Variants in CHRM3 observed in about 807,000 individuals in gnomAD.
The protein encoded by CHRM3 is muscarinic acetylcholine receptor M3.
In CHRM3, 11 loss-of-function variants were observed where a neutral mutation model predicts 41.8. The observed-to-expected ratio is 0.26, with a 90% CI of 0.17 to 0.44. The LOEUF (loss-of-function observed/expected upper bound fraction) is 0.44. CHRM3 is among the 20% of genes least tolerant of loss of function. The probability of loss-of-function intolerance (pLI) is 1.00; values close to 1 mark genes in which losing one functional copy is unlikely to be tolerated. For synonymous variants in CHRM3, 297 were observed against 301.4 expected, an observed-to-expected ratio of 0.99 and a Z score of 0.15; for missense variants, 571 against 745.4, an observed-to-expected ratio of 0.77 and a Z score of 2.72.
chr1:239,623,000 C>T (rs1668552006), intron 3 of CHRM3, among the ~76,000 whole-genome samples: 3 of 151,922 alleles, frequency 2.0e-5, no homozygotes, highest in Admixed American at 2.0e-4. Context: ...CAGCTTTTGG[C>T]AACCACCACC....
intron 1 of CHRM3, among the ~76,000 whole-genome samples, chr1:239,444,125 T>G (rs74149070): frequency 0.043 from 6,516 of 152,246 alleles, 411 homozygotes; most frequent in African/African-American, 0.15. Context: ...CAGCTTCGTT[T>G]TAAGGACCCT....
At chr1:239,519,204 G>T (rs147727995) in intron 2 of CHRM3, among the ~76,000 whole-genome samples, 107 of 152,138 alleles carry the variant, frequency 7.0e-4, no homozygotes, top group African/African-American at 2.6e-3. Context: ...GAGATAATTT[G>T]AATGTAATTC....
chr1:239,427,036 G>A (rs1270385513), intron 1 of CHRM3, among the ~76,000 whole-genome samples: 1 of 152,102 alleles, frequency 6.6e-6, no homozygotes, highest in Non-Finnish European at 1.5e-5. Context: ...CTCCATTTGA[G>A]ACATGTTAAT....
chr1:239,572,464 A>G (rs1661914897), intron 3 of CHRM3, among the ~76,000 whole-genome samples: 1 of 152,184 alleles, frequency 6.6e-6, no homozygotes, highest in Non-Finnish European at 1.5e-5. Flanking sequence ...GTCATGTTGA[A>G]TGAGATTTCC....
rs1312517962 is a variant in CHRM3 at position 239,912,728 on chromosome 1, G to T, written c.*3504G>T. Reference sequence around the variant, plus strand: ...AGAAGGATTCCAGGGATCAGTCAGGGTGTCCTGTACCTATCTGAGTAGAGA... The same window carrying T: ...AGAAGGATTCCAGGGATCAGTCAGGTTGTCCTGTACCTATCTGAGTAGAGA... On this transcript the variant is annotated 3_prime_UTR_variant, in exon 7 of 7. Transcript: ENST00000676153. 1 of 167,168 alleles carries T rather than the reference G, an allele frequency of 6.0e-6. No individual in the cohort carries two copies. The highest frequency in any genetic ancestry group is 2.4e-5 in the African/African-American group (1 of 41,464). 10.4% of individuals were successfully genotyped at this position (167,168 alleles called of 1,614,324 possible).
chr1:239,791,024 A>C (rs996155738), intron 5 of CHRM3, among the ~76,000 whole-genome samples: 1 of 151,104 alleles, frequency 6.6e-6, no homozygotes, highest in African/African-American at 2.4e-5. Flanking sequence ...AAAATAGGAA[A>C]ATATCTGTAG....
At chr1:239,407,484 GTGGGCTCTTAATATATGC>G (rs1188232203) in intron 1 of CHRM3, among the ~76,000 whole-genome samples, 1 of 150,988 alleles carries the variant, frequency 6.6e-6, no homozygotes, top group African/African-American at 2.4e-5. Flanking sequence ...TCTCAGGAGG[GTGGGCTCTTAATATATGC>G]TAGCAGAATG....
Position 239,545,649 on chromosome 1 carries a change from A to G in CHRM3, c.-413A>G, listed in dbSNP as rs1168360905. 6.6e-6 allele frequency: 1 copy of G among 152,160 alleles called. No individual in the cohort carries two copies. The highest frequency in any genetic ancestry group is 2.4e-5 in the African/African-American group (1 of 41,434). The allele number at this position is 152,160 out of a possible 1,614,324, so 9.4% of individuals were successfully genotyped here. A position where few individuals can be genotyped will look rare whatever the true frequency, so the allele number is the denominator to read the frequency against. On this transcript the variant is annotated 5_prime_UTR_variant, in exon 3 of 7. Transcript: ENST00000676153. The stretch of plus-strand genomic sequence containing the variant: ...TTTTTGTGTCTGTTTAGATATGAAC[A>G]GTAATGGCACATATTTTGGTTATGA...
chr1:239,801,828 T>C (rs1670241972), intron 5 of CHRM3, among the ~76,000 whole-genome samples: 1 of 152,012 alleles, frequency 6.6e-6, no homozygotes, highest in Non-Finnish European at 1.5e-5. Flanking sequence ...CAGAAGCTTC[T>C]AGAACTTTCT....
intron 3 of CHRM3, among the ~76,000 whole-genome samples, chr1:239,554,511 T>A (rs963398712): frequency 7.2e-5 from 11 of 151,912 alleles, no homozygotes; most frequent in Non-Finnish European, 1.6e-4. Context: ...AAAAGAGTGA[T>A]CATTAAATAT....
chr1:239,769,702 C>T (rs544212877), intron 5 of CHRM3, among the ~76,000 whole-genome samples: 8 of 67,954 alleles, frequency 1.2e-4, no homozygotes, highest in South Asian at 3.9e-4. Context: ...ACCAACATAG[C>T]GAAACCCATC....
chr1:239,525,081 G>A (rs1669904904), intron 2 of CHRM3, among the ~76,000 whole-genome samples: 1 of 152,096 alleles, frequency 6.6e-6, no homozygotes, highest in Non-Finnish European at 1.5e-5. Context: ...GATGATCCAT[G>A]GCAGGGCACA....
intron 1 of CHRM3, among the ~76,000 whole-genome samples, chr1:239,410,661 C>A (rs1488822400): frequency 1.3e-5 from 2 of 152,148 alleles, no homozygotes; most frequent in African/African-American, 4.8e-5. Context: ...CTGCCCCGTG[C>A]CTTTGGCATG....
chr1:239,672,399 G>A (rs967539444), intron 4 of CHRM3, among the ~76,000 whole-genome samples: 1 of 152,036 alleles, frequency 6.6e-6, no homozygotes, highest in Admixed American at 6.6e-5. Context: ...CAGAGATGTC[G>A]ACCCAAGCTT....
intron 1 of CHRM3, among the ~76,000 whole-genome samples, chr1:239,440,152 A>G (rs1354755027): frequency 2.0e-5 from 3 of 146,982 alleles, no homozygotes; most frequent in Non-Finnish European, 4.5e-5. Context: ...GAGCTGAAAT[A>G]GTGCCACTGT....
intron 5 of CHRM3, among the ~76,000 whole-genome samples, chr1:239,685,835 AAACAAAAAATAAG>A (rs1378236185): frequency 1.3e-5 from 2 of 152,190 alleles, no homozygotes; most frequent in African/African-American, 2.4e-5. Context: ...ACAAACAAAC[AAACAAAAAATAAG>A]AACAAAAAAC....
chr1:239,663,768 C>T (rs1176742328), intron 4 of CHRM3, among the ~76,000 whole-genome samples: 1 of 152,174 alleles, frequency 6.6e-6, no homozygotes, highest in South Asian at 2.1e-4. Flanking sequence ...TTCCTTTAGA[C>T]ACTTTAAAAA....
rs746317418 is a variant in CHRM3 at position 239,899,307 on chromosome 1, G to GTA, written c.-19-8121_-19-8120dup. Among the ~76,000 whole-genome samples, 691 of 106,654 alleles carry GTA rather than the reference G, an allele frequency of 6.5e-3. 9 individuals carry two copies. Among genetic ancestry groups the GTA allele is most frequent in the African/African-American group, 0.026 (636 of 24,420 alleles). 70.0% of individuals were successfully genotyped at this position (106,654 alleles called of 152,430 possible). On this transcript the variant is annotated intron_variant, in intron 6 of 6. Coordinates refer to ENST00000676153, the MANE Select transcript of CHRM3 (RefSeq NM_001375978.1). ...TGTGTGTGTGTGTGTGTGTGTGTGT[G>GTA]TATATACACACACGCATATATATCT...
At chr1:239,634,376 C>CGAAAGAAAGAAAGAGAAAGAAAGAAA (rs1553347930) in intron 4 of CHRM3, among the ~76,000 whole-genome samples, 11 of 135,458 alleles carry the variant, frequency 8.1e-5, no homozygotes, top group African/African-American at 3.1e-4. Context: ...CAAGAACAAA[C>CGAAAGAAAGAAAGAGAAAGAAAGAAA]GAAAGAAAGA....
Sources: allele counts gnomAD v4.1 joint callset (sites outside exome capture counted in the v4.1 genomes callset), GRCh38; gene constraint gnomAD v4.1.1; transcripts MANE v1.5; gene names NCBI Gene and HGNC (gene_info 2026-07-23, HGNC 2026-07-21).